DNAH8: variants seen among roughly 807,000 people sequenced by gnomAD.
DNAH8 encodes the protein dynein axonemal heavy chain 8, also known as axonemal beta dynein heavy chain 8.
A neutral mutation model predicts 562.1 loss-of-function variants in DNAH8; 382 were observed. The ratio of observed to expected loss-of-function variants is 0.68; its 90% CI spans 0.63 to 0.74. DNAH8 has a LOEUF of 0.74. DNAH8 is among the 30% of genes least tolerant of loss of function. The pLI, the probability that DNAH8 is intolerant of heterozygous loss-of-function variation, is 0.00. For synonymous variants in DNAH8, 1,881 were observed against 1,919.4 expected, an observed-to-expected ratio of 0.98 and a Z score of 0.52; for missense variants, 5,203 against 5,620.4, an observed-to-expected ratio of 0.93 and a Z score of 2.37.
chr6:39,004,460 A>C lies in DNAH8; in HGVS notation c.13215-4354A>C, dbSNP rs111903198. Reference sequence around the variant, plus strand: ...CTCCCTCCTTTCTAAAGTATACTCCACCATGAGGGGGACATTCTTTTATGG... The same window carrying C: ...CTCCCTCCTTTCTAAAGTATACTCCCCCATGAGGGGGACATTCTTTTATGG... On this transcript the variant is annotated intron_variant, in intron 88 of 92. Coordinates refer to ENST00000327475, the MANE Select transcript of DNAH8 (RefSeq NM_001206927.2). Among the ~76,000 whole-genome samples, 304 of 152,254 alleles carry C rather than the reference A, an allele frequency of 2.0e-3. 1 individual carries two copies. Among genetic ancestry groups the C allele is most frequent in the African/African-American group, 6.9e-3 (286 of 41,568 alleles).
rs780056388 is a variant in DNAH8, at chr6:38,875,674, G to A, written c.7704G>A (p.Val2568=). The A allele has an allele frequency of 3.7e-6, 6 of 1,613,734 alleles. No homozygotes were observed. The African/African-American group carries it at 8.0e-5, about 22-fold the overall frequency. Residue 2568 remains valine, a synonymous_variant, in exon 53 of 93, where the codon GTG becomes GTA. Coordinates refer to ENST00000327475, the MANE Select transcript of DNAH8 (RefSeq NM_001206927.2). ...TCGAACATCTTCATAAATTATTTGT[G>A]TTTGGCCTAATGTGGAGTTTAGGAG... ...SCVEHLHKLF[V]FGLMWSLGAL...
chr6:38,770,679 T>A, intron 12 of DNAH8, 120 bp downstream of exon 12: 1 of 940,420 alleles, frequency 1.1e-6, no homozygotes, highest in Non-Finnish European at 1.5e-6. Context: ...TGTTATGACT[T>A]GTCTAATATT....
chr6:39,010,826 T>C (rs1561973256), intron 89 of DNAH8, among the ~76,000 whole-genome samples: 1 of 41,554 alleles, frequency 2.4e-5, no homozygotes. Flanking sequence ...CACACGTATG[T>C]ATGTATGTAT....
Position 39,026,666 on chromosome 6 carries a change from G to A in DNAH8, c.13835G>A (p.Gly4612Glu). ...QTKEEITSPP[G>E]EGVYIYGLYM... The stretch of plus-strand genomic sequence containing the variant: ...AAGGAGGAGATCACGTCACCCCCTG[G>A]GGTAGGCGTTGCTGGGCAATAGCAG... The change falls in exon 92 of 93, where the codon GGG becomes GAG. Residue 4612 changes from glycine (G) to glutamate (E), a missense_variant and splice_region_variant. Transcript: ENST00000327475. 15 of 1,613,018 alleles carry A rather than the reference G, an allele frequency of 9.3e-6. No individual in the cohort carries two copies. Among genetic ancestry groups the A allele is most frequent in the Non-Finnish European group, 1.2e-5 (14 of 1,179,876 alleles).
At position 38,880,970 on chromosome 6, in the gene DNAH8, T is replaced by G. The variant is rs1269711845; in HGVS notation, c.7859-1940T>G. Among the ~76,000 whole-genome samples, 4 of 152,236 alleles carry G rather than the reference T, an allele frequency of 2.6e-5. No individual in the cohort carries two copies. The East Asian group carries it at 7.7e-4, about 29-fold the overall frequency. ...TTGAACCCGGAGATGGAGGCTGCAGTGAGCTGAGATCGCACCACTACACTC... is the reference window on the plus strand; with the variant it reads ...TTGAACCCGGAGATGGAGGCTGCAGGGAGCTGAGATCGCACCACTACACTC... On this transcript the variant is annotated intron_variant, in intron 53 of 92. Transcript: ENST00000327475.
At position 38,750,553 on chromosome 6, in the gene DNAH8, G is replaced by T; in HGVS notation, c.1371G>T (p.Leu457Phe). Residue 457 changes from leucine to phenylalanine, a missense_variant, in exon 9 of 93, where the codon TTG becomes TTT. Coordinates refer to ENST00000327475, the MANE Select transcript of DNAH8 (RefSeq NM_001206927.2). ...SKDNVRYLYT[L>F]EKVCQPLYNH... ...ATAATGTCAGATATTTGTATACTTTGGAAAAAGTGTGTCAACCTCTCTATA... is the reference window on the plus strand; with the variant it reads ...ATAATGTCAGATATTTGTATACTTTTGAAAAAGTGTGTCAACCTCTCTATA... 6.2e-7 allele frequency: 1 copy of T among 1,610,380 alleles called. No homozygotes were observed.
intron 35 of DNAH8, among the ~76,000 whole-genome samples, chr6:38,844,853 T>C (rs879693465): frequency 6.6e-6 from 1 of 152,162 alleles, no homozygotes; most frequent in Non-Finnish European, 1.5e-5. Flanking sequence ...ACGAAGCTGT[T>C]CCTCCTCAGC....
chr6:39,009,084 C>T (rs1057044214), intron 89 of DNAH8, 114 bp downstream of exon 89: 3 of 688,624 alleles, frequency 4.4e-6, no homozygotes, highest in Non-Finnish European at 7.1e-6. Context: ...TGGCAGATTA[C>T]CTGTGTGAAA....
intron 86 of DNAH8, among the ~76,000 whole-genome samples, chr6:38,982,807 C>T (rs1764123382): frequency 6.6e-6 from 1 of 152,214 alleles, no homozygotes; most frequent in Non-Finnish European, 1.5e-5. Context: ...TATCTGCCTG[C>T]CCATGCGAAA....
chr6:38,920,892 A>G (rs1036347363), intron 70 of DNAH8, among the ~76,000 whole-genome samples: 11 of 152,224 alleles, frequency 7.2e-5, no homozygotes, highest in African/African-American at 2.6e-4. Context: ...AACATTAATA[A>G]TTAAAAAAAT....
At chr6:38,782,472 G>A (rs1217764927) in intron 16 of DNAH8, among the ~76,000 whole-genome samples, 1 of 152,056 alleles carries the variant, frequency 6.6e-6, no homozygotes, top group African/African-American at 2.4e-5. Flanking sequence ...TAGAGAGACA[G>A]CGTTTCACTA....
In DNAH8 at chr6:38,935,811, CA is replaced by C. The variant is rs898316319; in HGVS notation, c.11563+119del. ...TTAGGAAATACTCATGTTATCAATG[CA>C]AAAACAAGCAAGGCAATTTCCATCT... On this transcript the variant is annotated intron_variant, in intron 77 of 92. Transcript: ENST00000327475. 6 of 690,100 alleles carry C rather than the reference CA, an allele frequency of 8.7e-6. No homozygotes were observed. In the African/African-American group the frequency reaches 9.2e-5, roughly 11 times the overall value. 42.7% of individuals were successfully genotyped at this position (690,100 alleles called of 1,614,324 possible).
chr6:39,014,394 A>C lies in DNAH8; in HGVS notation c.13714+1757A>C, dbSNP rs77086453. On this transcript the variant is annotated intron_variant, in intron 91 of 92. Coordinates refer to ENST00000327475, the MANE Select transcript of DNAH8 (RefSeq NM_001206927.2). Reference sequence around the variant, plus strand: ...ACCAGGTAATTTCTGGCTGGGGAGCATGAAGTAATAGCATTTAACTTAATA... The same window carrying C: ...ACCAGGTAATTTCTGGCTGGGGAGCCTGAAGTAATAGCATTTAACTTAATA... Among the ~76,000 whole-genome samples, 1,696 of 152,280 alleles carry C rather than the reference A, an allele frequency of 0.011. 110 individuals are homozygous for C. In the East Asian group the frequency reaches 0.16, roughly 14 times the overall value.
intron 17 of DNAH8, 45 bp downstream of exon 17, chr6:38,783,184 A>G (rs778994712): frequency 1.3e-6 from 2 of 1,587,974 alleles, no homozygotes; most frequent in Non-Finnish European, 1.7e-6. Context: ...GGATTAGGTG[A>G]TTTTGAATGA....
In DNAH8 at chr6:38,775,783, A is replaced by G; in HGVS notation, c.1794A>G (p.Thr598=). 1 of 1,598,758 alleles carries G rather than the reference A, an allele frequency of 6.3e-7. No individual in the cohort carries two copies. Among genetic ancestry groups the G allele is most frequent in the Non-Finnish European group, 8.6e-7 (1 of 1,166,926 alleles). The part of the protein sequence containing the change: ...KITEMITVVQ[T]YSTLSNSTIE... ...CAGAAATGATAACTGTTGTGCAAAC[A>G]TATTCAACCTTGAGTAATTCTACCA... Residue 598 remains threonine, a synonymous_variant, in exon 13 of 93, where the codon ACA becomes ACG. Coordinates refer to ENST00000327475, the MANE Select transcript of DNAH8 (RefSeq NM_001206927.2).
At chr6:38,969,263 T>C (rs1391986267) in intron 82 of DNAH8, among the ~76,000 whole-genome samples, 1 of 152,210 alleles carries the variant, frequency 6.6e-6, no homozygotes, top group African/African-American at 2.4e-5. Context: ...GAAGTATATA[T>C]TTCATAATTT....
rs545757180 is a variant in DNAH8, at chr6:38,845,530, G to A, written c.4846-44G>A. On this transcript the variant is annotated intron_variant, in intron 35 of 92. Coordinates refer to ENST00000327475, the MANE Select transcript of DNAH8 (RefSeq NM_001206927.2). ...TATGATTTGATGATGCACTTAATTT[G>A]TAGTTGAAAACATCATGACATATAC... The A allele has an allele frequency of 3.0e-5, 45 of 1,492,152 alleles. No individual in the cohort carries two copies. In the South Asian group the frequency reaches 4.8e-4, roughly 16 times the overall value. The allele number at this position is 1,492,152 out of a possible 1,614,324, so 92.4% of individuals were successfully genotyped here. A position where few individuals can be genotyped will look rare whatever the true frequency, so the allele number is the denominator to read the frequency against.
intron 22 of DNAH8, among the ~76,000 whole-genome samples, chr6:38,805,265 A>G (rs898988305): frequency 6.6e-6 from 1 of 152,208 alleles, no homozygotes; most frequent in Non-Finnish European, 1.5e-5. Flanking sequence ...TACAGAGTGT[A>G]TTTCTTAGTA....
intron 11 of DNAH8, among the ~76,000 whole-genome samples, chr6:38,767,540 G>C (rs77875037): frequency 6.6e-6 from 1 of 151,954 alleles, no homozygotes; most frequent in Admixed American, 6.6e-5. Flanking sequence ...CCTCAAATAA[G>C]TGGAATTAAA....
Sources: allele counts gnomAD v4.1 joint callset (sites outside exome capture counted in the v4.1 genomes callset), GRCh38; gene constraint gnomAD v4.1.1; transcripts MANE v1.5; gene names NCBI Gene and HGNC (gene_info 2026-07-23, HGNC 2026-07-21).